Variants in LYST observed in about 807,000 individuals in gnomAD.
LYST encodes the protein lysosomal trafficking regulator, also known as lysosomal-trafficking regulator.
In LYST, 192 loss-of-function variants were observed where a neutral mutation model predicts 413.6. That is an observed-to-expected ratio of 0.46 (90% CI 0.41 to 0.52). LYST has a LOEUF of 0.52. Among genes scored for constraint, LYST ranks in the 20% least tolerant of loss-of-function variants. LYST has a pLI of 0.00. For missense variants in LYST, 3,815 were observed against 4,499.9 expected, an observed-to-expected ratio of 0.85 and a Z score of 4.35; for synonymous variants, 1,525 against 1,567.3, an observed-to-expected ratio of 0.97 and a Z score of 0.64.
At chr1:235,820,060 C>T (rs896541231) in intron 3 of LYST, among the ~76,000 whole-genome samples, 5 of 152,212 alleles carry the variant, frequency 3.3e-5, no homozygotes, top group African/African-American at 1.2e-4. Context: ...GGTATTTTTC[C>T]ATTCAAGAAA....
chr1:235,757,257 A>T, intron 24 of LYST, 24 bp downstream of exon 24: 1 of 1,539,674 alleles, frequency 6.5e-7, no homozygotes, highest in Non-Finnish European at 8.9e-7. Context: ...GAATTAAAAT[A>T]ACATATCTAG....
rs987082214 is a variant in LYST, at chr1:235,745,149, G to A, written c.7973-992C>T. ...ATATAATTAAGGTGTTTTGATATAT[G>A]AATACATTGTCAAATAATCACCATA... On this transcript the variant is annotated intron_variant, in intron 29 of 52. Coordinates refer to ENST00000389793, the MANE Select transcript of LYST (RefSeq NM_000081.4). Among the ~76,000 whole-genome samples, 4 of 152,088 alleles carry A rather than the reference G, an allele frequency of 2.6e-5. No homozygotes were observed. In the East Asian group the frequency reaches 7.7e-4, roughly 29 times the overall value.
In LYST at chr1:235,766,097, A is replaced by G. The variant is rs770096789; in HGVS notation, c.6103T>C (p.Tyr2035His). The G allele has an allele frequency of 1.2e-6, 2 of 1,613,154 alleles. No individual in the cohort carries two copies. Among genetic ancestry groups the G allele is most frequent in the Non-Finnish European group, 1.7e-6 (2 of 1,179,144 alleles). Residue 2035 changes from tyrosine (Y) to histidine (H), a missense_variant, in exon 21 of 53, where the codon TAC becomes CAC. This residue lies in a region of LYST where 530 missense variants were observed against 696.5 expected (regional missense o/e 0.76). Coordinates refer to ENST00000389793, the MANE Select transcript of LYST (RefSeq NM_000081.4). The stretch of plus-strand genomic sequence containing the variant: ...TACCTACCTATGTGCAAAGAAAAGT[A>G]GAAGTTCGTGGGATTGTGACAAACG... ...TYVCHNPTNF[Y>H]FSLHIDGKIF...
chr1:235,777,102 T>C lies in LYST; in HGVS notation c.5421A>G (p.Glu1807=). 1 of 1,613,574 alleles carries C rather than the reference T, an allele frequency of 6.2e-7. No homozygotes were observed. Among genetic ancestry groups the C allele is most frequent in the South Asian group, 1.1e-5 (1 of 91,074 alleles). The part of the protein sequence containing the change: ...EYKTIQGILH[E]IGGTGIFVFL... ...AAACAAATATGCCAGTTCCACCAATTTCGTGCAGAATGCCTTGAATAGTTT... is the reference window on the plus strand; with the variant it reads ...AAACAAATATGCCAGTTCCACCAATCTCGTGCAGAATGCCTTGAATAGTTT... Residue 1807 remains glutamate, a synonymous_variant, in exon 17 of 53, where the codon GAA becomes GAG. Transcript: ENST00000389793.
At chr1:235,737,954 GA>G in intron 31 of LYST, 1 of 1,269,888 alleles carries the variant, frequency 7.9e-7, no homozygotes, top group South Asian at 2.6e-5. Context: ...ACACCCGCCG[GA>G]CGTGCATTCT....
chr1:235,743,973 A>G lies in LYST; in HGVS notation c.8151+6T>C. ...TGAACATTTCCCATGTAATTAATTT[A>G]CTTACAATAGATACTTTGAATCCTT... On this transcript the variant is annotated splice_donor_region_variant and intron_variant, in intron 30 of 52. Coordinates refer to ENST00000389793, the MANE Select transcript of LYST (RefSeq NM_000081.4). The G allele has an allele frequency of 7.4e-7, 1 of 1,346,538 alleles. No homozygotes were observed. The allele number at this position is 1,346,538 out of a possible 1,614,324, so 83.4% of individuals were successfully genotyped here.
chr1:235,817,955 C>T (rs2102934550), intron 3 of LYST, among the ~76,000 whole-genome samples: 1 of 152,152 alleles, frequency 6.6e-6, no homozygotes, highest in African/African-American at 2.4e-5. Context: ...CCCTTAAGCC[C>T]TTGAAGGAGA....
chr1:235,853,830 C>T (rs1048958666), intron 1 of LYST, among the ~76,000 whole-genome samples: 1 of 152,210 alleles, frequency 6.6e-6, no homozygotes. Flanking sequence ...CACTAAAACG[C>T]ACCAAACTTA....
chr1:235,717,686 C>A (rs924113040), intron 40 of LYST, among the ~76,000 whole-genome samples: 1 of 151,528 alleles, frequency 6.6e-6, no homozygotes, highest in African/African-American at 2.4e-5. Flanking sequence ...ACCAGGTCTG[C>A]TTAACCACAT....
intron 44 of LYST, among the ~76,000 whole-genome samples, chr1:235,706,780 A>G (rs1662024067): frequency 1.3e-5 from 2 of 152,166 alleles, no homozygotes; most frequent in Admixed American, 6.5e-5. Flanking sequence ...TAGGAAGCCT[A>G]TCTTATTCTC....
chr1:235,733,297 G>GC (rs1312366564), intron 34 of LYST, among the ~76,000 whole-genome samples: 2 of 151,098 alleles, frequency 1.3e-5, no homozygotes, highest in African/African-American at 4.9e-5. Flanking sequence ...ATGAGCTACT[G>GC]CCCCCCTCAT....
intron 10 of LYST, among the ~76,000 whole-genome samples, chr1:235,794,898 A>G (rs1671396265): frequency 6.6e-6 from 1 of 152,174 alleles, no homozygotes; most frequent in African/African-American, 2.4e-5. Context: ...AAATGGATAT[A>G]TACACTTGCT....
At chr1:235,757,236 T>A in intron 24 of LYST, 45 bp downstream of exon 24, 1 of 1,327,526 alleles carries the variant, frequency 7.5e-7, no homozygotes, top group Non-Finnish European at 1.1e-6. Flanking sequence ...TACATATATA[T>A]TTATTTTTCT....
chr1:235,694,930 T>A (rs1448284859), intron 46 of LYST, among the ~76,000 whole-genome samples: 1 of 152,198 alleles, frequency 6.6e-6, no homozygotes, highest in African/African-American at 2.4e-5. Context: ...TAAAATTGAT[T>A]TTCAGCATGT....
In LYST at chr1:235,830,442, C is replaced by CAA; in HGVS notation, c.-7-20_-7-19dup. 7.5e-5 allele frequency: 101 copies of CAA among 1,343,564 alleles called. No homozygotes were observed. Among genetic ancestry groups the CAA allele is most frequent in the Non-Finnish European group, 9.0e-5 (89 of 990,866 alleles). The allele number at this position is 1,343,564 out of a possible 1,614,324, so 83.2% of individuals were successfully genotyped here. On this transcript the variant is annotated intron_variant, in intron 2 of 52. Transcript: ENST00000389793. ...TGACCGAGCTATAAAATAAGTATTA[C>CAA]AAAAAAAAAAGATTAGGAAAACAAA...
rs951441091 is a variant in LYST, at chr1:235,664,457, C to T, written c.11195+8G>A. On this transcript the variant is annotated splice_region_variant and intron_variant, in intron 51 of 52. Coordinates refer to ENST00000389793, the MANE Select transcript of LYST (RefSeq NM_000081.4). This position sits in a 1 kb window ranked among gnomAD's most constrained non-coding sequence, Gnocchi z 4.5. ...AAATCAAAAAAAGAGAATCCAAATT[C>T]CTCTTACCTTACAATTCCATTTTCT... is the stretch of plus-strand genomic sequence containing the variant. 1 of 1,612,892 alleles carries T rather than the reference C, an allele frequency of 6.2e-7. No individual in the cohort carries two copies. Among genetic ancestry groups the T allele is most frequent in the African/African-American group, 1.3e-5 (1 of 74,902 alleles).
At chr1:235,801,165 A>G in intron 8 of LYST, 68 bp from the exon 9 acceptor site, 2 of 1,047,220 alleles carry the variant, frequency 1.9e-6, no homozygotes, top group Non-Finnish European at 3.0e-6. Context: ...TTCATTAATC[A>G]TTTAGAAGAT....
intron 39 of LYST, among the ~76,000 whole-genome samples, chr1:235,721,651 G>A (rs904409722): frequency 6.6e-6 from 1 of 152,108 alleles, no homozygotes; most frequent in African/African-American, 2.4e-5. Context: ...AAATGTACTG[G>A]TAGTTGTGGA....
chr1:235,717,072 C>T (rs1662905730), intron 40 of LYST, among the ~76,000 whole-genome samples: 1 of 152,206 alleles, frequency 6.6e-6, no homozygotes, highest in African/African-American at 2.4e-5. Context: ...GCAGCTTCCT[C>T]TAGAGTCATA....
Sources: allele counts gnomAD v4.1 joint callset (sites outside exome capture counted in the v4.1 genomes callset), GRCh38; gene constraint gnomAD v4.1.1; regional missense constraint gnomAD v4.1.1; non-coding constraint Gnocchi (gnomAD v3.1); transcripts MANE v1.5; gene names NCBI Gene and HGNC (gene_info 2026-07-23, HGNC 2026-07-21).